CHP1: variants seen among roughly 807,000 people sequenced by gnomAD.
CHP1 encodes the protein calcineurin like EF-hand protein 1.
A neutral mutation model predicts 27.4 loss-of-function variants in CHP1; 11 were observed. The ratio of observed to expected loss-of-function variants is 0.40; its 90% CI spans 0.25 to 0.67. CHP1 has a LOEUF of 0.67. CHP1 is among the 30% of genes least tolerant of loss of function. The pLI is 0.38. For missense variants in CHP1, 169 were observed against 251.3 expected, an observed-to-expected ratio of 0.67 and a Z score of 2.22; for synonymous variants, 89 against 87.4, an observed-to-expected ratio of 1.02 and a Z score of -0.10.
At chr15:41,276,720 G>C (rs534036872) in intron 5 of CHP1, among the ~76,000 whole-genome samples, 1 of 152,298 alleles carries the variant, frequency 6.6e-6, no homozygotes, top group East Asian at 1.9e-4. Flanking sequence ...CCATACTTTA[G>C]GAATAGTTGG....
chr15:41,246,525 G>T (rs951348754), intron 2 of CHP1, among the ~76,000 whole-genome samples: 1 of 150,510 alleles, frequency 6.6e-6, no homozygotes, highest in Non-Finnish European at 1.5e-5. Context: ...TCACCATCTT[G>T]GCCAGGCTGG....
chr15:41,252,936 T>G (rs1314211015), intron 2 of CHP1, among the ~76,000 whole-genome samples: 4 of 125,628 alleles, frequency 3.2e-5, no homozygotes, highest in South Asian at 2.8e-4. Flanking sequence ...GGTTTTTTTT[T>G]TTTTTTTTTT....
At chr15:41,268,770 C>T (rs1297107632) in intron 4 of CHP1, among the ~76,000 whole-genome samples, 2 of 151,886 alleles carry the variant, frequency 1.3e-5, no homozygotes, top group South Asian at 2.1e-4. Context: ...CTGGCTAACA[C>T]GGTGAAACCC....
At chr15:41,237,659 T>A (rs2047284352) in intron 1 of CHP1, among the ~76,000 whole-genome samples, 2 of 152,210 alleles carry the variant, frequency 1.3e-5, no homozygotes, top group African/African-American at 4.8e-5. Flanking sequence ...GTACTTGTAA[T>A]CTTTACATAG....
intron 2 of CHP1, among the ~76,000 whole-genome samples, chr15:41,250,922 G>A (rs2047363513): frequency 6.6e-6 from 1 of 151,336 alleles, no homozygotes; most frequent in Non-Finnish European, 1.5e-5. Context: ...CAAGTTCACC[G>A]CTTCCGGGTT....
chr15:41,247,087 C>T (rs1024392118), intron 2 of CHP1, among the ~76,000 whole-genome samples: 1 of 151,902 alleles, frequency 6.6e-6, no homozygotes, highest in African/African-American at 2.4e-5. Context: ...AAGTAAGGGC[C>T]AAGCGCAGTG....
chr15:41,265,363 C>CAAAAAAAA (rs544658200), intron 4 of CHP1, among the ~76,000 whole-genome samples: 23 of 36,880 alleles, frequency 6.2e-4, no homozygotes, highest in African/African-American at 1.8e-3. Context: ...GACTCTGTCT[C>CAAAAAAAA]AAAAAAAAAA....
intron 4 of CHP1, among the ~76,000 whole-genome samples, chr15:41,267,944 A>AAC (rs2140940098): frequency 6.6e-6 from 1 of 151,768 alleles, no homozygotes; most frequent in East Asian, 1.9e-4. Context: ...AAAAAAAAAA[A>AAC]AAAGCATAAA....
At chr15:41,271,021 C>T (rs8030033) in intron 5 of CHP1, among the ~76,000 whole-genome samples, 58,991 of 151,432 alleles carry the variant, frequency 0.39, 12,390 homozygotes, top group African/African-American at 0.57. Context: ...TTTGGAAGGC[C>T]GAGGCAGGTG....
At chr15:41,231,539 C>T (rs2140917309) in intron 1 of CHP1, 90 bp downstream of exon 1, 4 of 1,302,478 alleles carry the variant, frequency 3.1e-6, no homozygotes, top group Admixed American at 2.0e-5. Flanking sequence ...AGCTCGGGTG[C>T]CTGTGAGGTT....
chr15:41,232,283 A>T (rs576560992), intron 1 of CHP1, among the ~76,000 whole-genome samples: 3 of 145,034 alleles, frequency 2.1e-5, no homozygotes, highest in Non-Finnish European at 4.5e-5. Context: ...TGATCTCGGC[A>T]CACTGCAACT....
chr15:41,233,171 T>A (rs1401008808), intron 1 of CHP1, among the ~76,000 whole-genome samples: 3 of 152,232 alleles, frequency 2.0e-5, no homozygotes, highest in Non-Finnish European at 2.9e-5. Flanking sequence ...TTTGTGGCCA[T>A]AACTTCTGGC....
At chr15:41,236,218 A>C (rs746206108) in intron 1 of CHP1, among the ~76,000 whole-genome samples, 7 of 151,744 alleles carry the variant, frequency 4.6e-5, no homozygotes, top group Non-Finnish European at 1.0e-4. Context: ...TACTGGGATT[A>C]TAGATGTGAG....
intron 4 of CHP1, among the ~76,000 whole-genome samples, chr15:41,268,663 C>T (rs1422276224): frequency 2.8e-5 from 4 of 143,500 alleles, no homozygotes; most frequent in African/African-American, 1.0e-4. Context: ...AAATTCAGGC[C>T]AGGCGCGATG....
intron 1 of CHP1, among the ~76,000 whole-genome samples, chr15:41,236,223 T>C (rs1283754529): frequency 6.6e-6 from 1 of 151,930 alleles, no homozygotes; most frequent in Non-Finnish European, 1.5e-5. Context: ...GGATTATAGA[T>C]GTGAGCCACT....
chr15:41,265,363 C>CAAAAAA (rs544658200), intron 4 of CHP1, among the ~76,000 whole-genome samples: 11 of 36,918 alleles, frequency 3.0e-4, no homozygotes, highest in African/African-American at 5.5e-4. Context: ...GACTCTGTCT[C>CAAAAAA]AAAAAAAAAA....
At chr15:41,240,816 A>C in intron 1 of CHP1, among the ~76,000 whole-genome samples, 1 of 151,826 alleles carries the variant, frequency 6.6e-6, no homozygotes, top group South Asian at 2.1e-4. Context: ...GATTGTGAAC[A>C]AATTTTGTTT....
intron 1 of CHP1, among the ~76,000 whole-genome samples, chr15:41,232,186 T>C (rs2047250246): frequency 6.6e-6 from 1 of 151,704 alleles, no homozygotes; most frequent in African/African-American, 2.4e-5. Flanking sequence ...AAAATCTCCG[T>C]GTGAATTTGT....
Position 41,231,337 on chromosome 15 carries a change from C to A in CHP1, c.-46C>A. The A allele has an allele frequency of 6.5e-7, 1 of 1,545,842 alleles. No homozygotes were observed. Among genetic ancestry groups the A allele is most frequent in the East Asian group, 2.3e-5 (1 of 42,656 alleles). ...TCCCTCCCTCCTTCCCTCCTGTCGC[C>A]GTCTCTTCTGGCGCCGCTGCTCCCG... On this transcript the variant is annotated 5_prime_UTR_variant, in exon 1 of 7. Coordinates refer to ENST00000334660, the MANE Select transcript of CHP1 (RefSeq NM_007236.5).
Sources: gnomAD v4.1 joint callset for allele counts (sites outside exome capture counted in the v4.1 genomes callset) on GRCh38, gnomAD v4.1.1 for gene constraint, MANE v1.5 for transcripts, NCBI Gene and HGNC (gene_info 2026-07-23, HGNC 2026-07-21) for gene names.